The following LTV1 variants were observed in gnomAD, a reference collection of about 807,000 sequenced individuals.
The protein encoded by LTV1 is protein LTV1 homolog.
LTV1 carries 39 observed loss-of-function variants against 59.9 expected under a neutral mutation model. The observed-to-expected ratio is 0.65, with a 90% CI of 0.50 to 0.85. The LOEUF is 0.85. Ranked by LOEUF, LTV1 falls within the 40% of genes least tolerant of loss-of-function variation. LTV1 has a pLI of 0.00. For synonymous variants in LTV1, 171 were observed against 189.5 expected (o/e 0.90, Z 0.80); for missense variants, 493 against 549.1 (o/e 0.90, Z 1.02).
chr6:143,852,107 T>G (rs1359687604), intron 4 of LTV1, among the ~76,000 whole-genome samples: 1 of 152,222 alleles, frequency 6.6e-6, no homozygotes, highest in South Asian at 2.1e-4. Context: ...GATTGCTGGG[T>G]CAAATGGTAT....
In LTV1 at chr6:143,844,724, C is replaced by T. The variant is rs556141484; in HGVS notation, c.135+107C>T. 1.6e-5 allele frequency: 19 copies of T among 1,213,874 alleles called. No homozygotes were observed. In the African/African-American group the frequency reaches 1.9e-4, roughly 12 times the overall value. 75.2% of individuals were successfully genotyped at this position (1,213,874 alleles called of 1,614,324 possible). A position where few individuals can be genotyped will look rare whatever the true frequency, so the allele number is the denominator to read the frequency against. On this transcript the variant is annotated intron_variant, in intron 2 of 10. Coordinates refer to ENST00000367576, the MANE Select transcript of LTV1 (RefSeq NM_032860.5). ...CTTAGCACGTTGCCCAGGCTGGTCT[C>T]GAACTCCTGGACTTAAGCAGTCCTC...
At chr6:143,846,336 C>A in intron 3 of LTV1, 112 bp downstream of exon 3, 1 of 939,096 alleles carries the variant, frequency 1.1e-6, no homozygotes, top group Non-Finnish European at 1.6e-6. Flanking sequence ...CAAAGATAGA[C>A]CACGCCTCCA....
In LTV1 at chr6:143,859,668, C is replaced by A. The variant is rs76961661; in HGVS notation, c.796-758C>A. On this transcript the variant is annotated intron_variant, in intron 6 of 10. Transcript: ENST00000367576. ...TCACTCTTCAGGAGATATATCCCCC[C>A]CATTTACTCTTTGTCAAAGCTTAAC... is the stretch of plus-strand genomic sequence containing the variant. Among the ~76,000 whole-genome samples the A allele has an allele frequency of 6.5e-3, 984 of 152,292 alleles. 10 individuals carry two copies. Among genetic ancestry groups the A allele is most frequent in the African/African-American group, 0.023 (950 of 41,560 alleles).
Position 143,857,358 on chromosome 6 carries a change from CT to C in LTV1, c.456del (p.Phe152LeufsTer75). 4 of 1,614,062 alleles carry C rather than the reference CT, an allele frequency of 2.5e-6. No individual in the cohort carries two copies. Among genetic ancestry groups the C allele is most frequent in the Non-Finnish European group, 3.4e-6 (4 of 1,179,960 alleles). On this transcript the variant is annotated frameshift_variant, in exon 5 of 11. Transcript: ENST00000367576. LOFTEE classifies it high-confidence loss of function. This position sits in a 1 kb window ranked among gnomAD's most constrained non-coding sequence, Gnocchi z 5.2. ...IVAALDDDFDFDDPDNLLEDD... is the reference protein window; with the variant it reads ...IVAALDDDFDXDDPDNLLEDD... ...TTGCAGCTCTTGATGATGATTTTGA[CT>C]TTGATGATCCAGATAATCTGCTTGA... is the stretch of plus-strand genomic sequence containing the variant.
At position 143,863,250 on chromosome 6, in the gene LTV1, AAG is replaced by A. The variant is rs1777203931; in HGVS notation, c.1284_1285del (p.Arg428SerfsTer20). 6.2e-7 allele frequency: 1 copy of A among 1,613,876 alleles called. No individual in the cohort carries two copies. Reference sequence around the variant, plus strand: ...CTAAAAATGAAAGCAAAGAAGATAAAAGAGCAAGAAAGCAAGCTATAAAAGAA... The same window carrying A: ...CTAAAAATGAAAGCAAAGAAGATAAAAGCAAGAAAGCAAGCTATAAAAGAA... ...RSKNESKEDK[R>X]ARKQAIKEER... On this transcript the variant is annotated frameshift_variant, in exon 10 of 11. Transcript: ENST00000367576. LOFTEE classifies it high-confidence loss of function. This position sits in a 1 kb window ranked among gnomAD's most constrained non-coding sequence, Gnocchi z 4.5.
In LTV1 at chr6:143,862,075, G is replaced by T. The variant is rs371534074; in HGVS notation, c.924-29G>T. 18 of 1,599,302 alleles carry T rather than the reference G, an allele frequency of 1.1e-5. No individual in the cohort carries two copies. The highest frequency in any genetic ancestry group is 1.5e-5 in the Non-Finnish European group (18 of 1,174,418). ...TAATAGGTCATTTTTCCCCCTCTTG[G>T]TCTTCACTTTTAAAAACTCGTCTAA... is the stretch of plus-strand genomic sequence containing the variant. On this transcript the variant is annotated intron_variant, in intron 7 of 10. Transcript: ENST00000367576. This position sits in a 1 kb window ranked among gnomAD's most constrained non-coding sequence, Gnocchi z 4.2.
At position 143,863,098 on chromosome 6, in the gene LTV1, C is replaced by A; in HGVS notation, c.1129C>A (p.Arg377=). The A allele has an allele frequency of 6.2e-7, 1 of 1,613,382 alleles. No individual in the cohort carries two copies. The highest frequency in any genetic ancestry group is 8.5e-7 in the Non-Finnish European group (1 of 1,179,612). The part of the protein sequence containing the change: ...IKYQPKPKQI[R]ISSKTGIPLN... ...ATCTGTATTTCAGCCCAAACAAATTCGAATATCTTCTAAAACAGGAATACC... is the reference window on the plus strand; with the variant it reads ...ATCTGTATTTCAGCCCAAACAAATTAGAATATCTTCTAAAACAGGAATACC... The change falls in exon 10 of 11, where the codon CGA becomes AGA. Residue 377 remains arginine, a synonymous_variant. Transcript: ENST00000367576. This position sits in a 1 kb window ranked among gnomAD's most constrained non-coding sequence, Gnocchi z 4.5.
intron 7 of LTV1, among the ~76,000 whole-genome samples, chr6:143,861,052 A>G: frequency 6.6e-6 from 1 of 151,932 alleles, no homozygotes; most frequent in Non-Finnish European, 1.5e-5. Flanking sequence ...GCACACCACC[A>G]TGCCCAGCTA....
At chr6:143,858,094 G>T in intron 6 of LTV1, 87 bp downstream of exon 6, 1 of 1,241,592 alleles carries the variant, frequency 8.1e-7, no homozygotes, top group South Asian at 1.4e-5. Context: ...CCAGGTTGAA[G>T]TGCTCACCAA....
In LTV1 at chr6:143,860,519, G is replaced by C; in HGVS notation, c.889G>C (p.Val297Leu). The C allele has an allele frequency of 6.2e-7, 1 of 1,613,712 alleles. No individual in the cohort carries two copies. The highest frequency in any genetic ancestry group is 8.5e-7 in the Non-Finnish European group (1 of 1,179,810). ...AGTGGACAGCAATCGCTTACAGGAA[G>C]TTTTGAATGACTACTATAAAGAGAA... ...IQVDSNRLQE[V>L]LNDYYKEKAE... Residue 297 changes from valine (V) to leucine (L), a missense_variant, in exon 7 of 11, where the codon GTT becomes CTT. Transcript: ENST00000367576.
chr6:143,849,783 GT>G (rs1159742554), intron 3 of LTV1, among the ~76,000 whole-genome samples: 1 of 152,078 alleles, frequency 6.6e-6, no homozygotes, highest in East Asian at 1.9e-4. Context: ...AGCAGGTTTG[GT>G]TTTTTTCTTG....
intron 3 of LTV1, 78 bp from the exon 4 acceptor site, chr6:143,850,053 G>T (rs899962759): frequency 4.7e-6 from 5 of 1,052,814 alleles, no homozygotes; most frequent in Middle Eastern, 2.1e-4. Flanking sequence ...ACATTGATTT[G>T]GGGGGGACTT....
Position 143,862,309 on chromosome 6 carries a change from C to T in LTV1, c.1063+66C>T, listed in dbSNP as rs1013912073. 20 of 1,409,790 alleles carry T rather than the reference C, an allele frequency of 1.4e-5. No homozygotes were observed. The highest frequency in any genetic ancestry group is 4.9e-5 in the East Asian group (2 of 41,046). 87.3% of individuals were successfully genotyped at this position (1,409,790 alleles called of 1,614,324 possible). A position where few individuals can be genotyped will look rare whatever the true frequency, so the allele number is the denominator to read the frequency against. Reference sequence around the variant, plus strand: ...AAGTATATCAACTTTAGGCTGGGTGCGGTGCCTCACGCCTGTAGTAATCCC... The same window carrying T: ...AAGTATATCAACTTTAGGCTGGGTGTGGTGCCTCACGCCTGTAGTAATCCC... On this transcript the variant is annotated intron_variant, in intron 8 of 10. Coordinates refer to ENST00000367576, the MANE Select transcript of LTV1 (RefSeq NM_032860.5). The surrounding 1 kb of genome is among the most constrained non-coding windows in gnomAD (Gnocchi z 4.2).
chr6:143,859,667 C>A (rs1269778702), intron 6 of LTV1, among the ~76,000 whole-genome samples: 1 of 152,162 alleles, frequency 6.6e-6, no homozygotes, highest in African/African-American at 2.4e-5. Context: ...ATATATCCCC[C>A]CCATTTACTC....
chr6:143,853,085 C>A (rs1356972111), intron 4 of LTV1, among the ~76,000 whole-genome samples: 1 of 152,086 alleles, frequency 6.6e-6, no homozygotes, highest in Non-Finnish European at 1.5e-5. Flanking sequence ...GATATTGATT[C>A]TTCCTATCCA....
intron 4 of LTV1, among the ~76,000 whole-genome samples, chr6:143,851,040 G>A (rs2128491300): frequency 6.6e-6 from 1 of 151,838 alleles, no homozygotes; most frequent in South Asian, 2.1e-4. Flanking sequence ...GGAGGGGTGG[G>A]GACCAGAGGA....
rs543892729 is a variant in LTV1 at position 143,863,221 on chromosome 6, C to A, written c.1252C>A (p.Arg418Ser). 2 of 1,613,872 alleles carry A rather than the reference C, an allele frequency of 1.2e-6. No homozygotes were observed. The highest frequency in any genetic ancestry group is 1.3e-5 in the African/African-American group (1 of 74,978). ...SDLPKVSTQP[R>S]SKNESKEDKR... ...TCTTCCTAAAGTATCAACTCAGCCA[C>A]GTTCTAAAAATGAAAGCAAAGAAGA... The change falls in exon 10 of 11, where the codon CGT (arginine) becomes AGT (serine). Residue 418 changes from arginine to serine, a missense_variant. Physicochemically the swap from Arg to Ser is moderately radical, Grantham distance 110. Transcript: ENST00000367576. The surrounding 1 kb of genome is among the most constrained non-coding windows in gnomAD (Gnocchi z 4.5).
intron 3 of LTV1, among the ~76,000 whole-genome samples, chr6:143,848,137 C>G (rs1484901523): frequency 6.6e-6 from 1 of 152,164 alleles, no homozygotes; most frequent in Non-Finnish European, 1.5e-5. Flanking sequence ...GACTACTTTT[C>G]AAGATTTGAA....
intron 1 of LTV1, 125 bp from the exon 2 acceptor site, chr6:143,844,361 T>G: frequency 1.0e-6 from 1 of 1,002,152 alleles, no homozygotes; most frequent in Non-Finnish European, 1.5e-6. Flanking sequence ...TTGCCTGCCC[T>G]AGAAGTGTAG....
Sources: gnomAD v4.1 joint callset for allele counts (sites outside exome capture counted in the v4.1 genomes callset) on GRCh38, gnomAD v4.1.1 for gene constraint, Gnocchi (gnomAD v3.1) non-coding constraint, MANE v1.5 for transcripts, NCBI Gene and HGNC (gene_info 2026-07-23, HGNC 2026-07-21) for gene names.